The following PIAS2 variants were observed in gnomAD, a reference collection of about 807,000 sequenced individuals.
PIAS2 encodes E3 SUMO-protein ligase PIAS2.
Under a neutral mutation model 69.7 loss-of-function variants are expected in PIAS2, and 19 were observed. The observed-to-expected ratio is 0.27, with a 90% confidence interval of 0.19 to 0.40. The LOEUF (loss-of-function observed/expected upper bound fraction) is 0.40, where lower values mean the gene tolerates loss of function less well. PIAS2 is among the 10% of genes least tolerant of loss of function. The pLI is 1.00. For synonymous variants in PIAS2, 261 were observed against 263.2 expected (o/e 0.99, Z 0.08); for missense variants, 624 against 757.0 (o/e 0.82, Z 2.06).
At chr18:46,888,306 A>G (rs927987561) in intron 2 of PIAS2, among the ~76,000 whole-genome samples, 1 of 152,060 alleles carries the variant, frequency 6.6e-6, no homozygotes, top group Non-Finnish European at 1.5e-5. Flanking sequence ...TATTGCTAAG[A>G]TATCAATACT....
At chr18:46,844,866 T>A in intron 6 of PIAS2, 27 bp from the exon 7 acceptor site, 1 of 926,524 alleles carries the variant, frequency 1.1e-6, no homozygotes, top group Non-Finnish European at 1.6e-6. Context: ...AAAACCTGCA[T>A]TAAAGATGAG....
chr18:46,820,965 G>C lies in PIAS2; in HGVS notation c.1616C>G (p.Thr539Arg). The C allele has an allele frequency of 1.2e-6, 2 of 1,612,768 alleles. No individual in the cohort carries two copies. The highest frequency in any genetic ancestry group is 1.7e-6 in the Non-Finnish European group (2 of 1,179,178). ...LTDYSVPFHH[T>R]PISSMSSDLP... ...ATCTGATGACATGCTTGATATTGGC[G>C]TATGGTGGAATGGTACTGAGTAGTC... The change falls in exon 12 of 14, where the codon ACG (threonine) becomes AGG (arginine). Residue 539 changes from threonine (T) to arginine (R), a missense_variant. Transcript: ENST00000585916.
intron 1 of PIAS2, among the ~76,000 whole-genome samples, chr18:46,909,254 C>T (rs992379838): frequency 6.6e-6 from 1 of 151,998 alleles, no homozygotes; most frequent in African/African-American, 2.4e-5. Flanking sequence ...ATTTTATACT[C>T]GTGGGTAAAA....
intron 12 of PIAS2, chr18:46,817,395 C>T (rs979699934): frequency 2.1e-6 from 2 of 964,250 alleles, no homozygotes; most frequent in African/African-American, 3.5e-5. Context: ...TATATCAAGC[C>T]TATTTATTTT....
At chr18:46,885,335 A>G (rs1371997387) in intron 2 of PIAS2, among the ~76,000 whole-genome samples, 1 of 151,982 alleles carries the variant, frequency 6.6e-6, no homozygotes, top group Admixed American at 6.6e-5. Flanking sequence ...TGGCCAACAT[A>G]GTGAAACCCC....
chr18:46,880,110 T>C (rs1308036071), intron 2 of PIAS2, among the ~76,000 whole-genome samples: 9 of 143,806 alleles, frequency 6.3e-5, no homozygotes, highest in East Asian at 2.0e-4. Flanking sequence ...AAAAAAAAAA[T>C]TGGGGATGGG....
At chr18:46,866,499 A>ATTACATGCATT (rs2049486927) in intron 2 of PIAS2, among the ~76,000 whole-genome samples, 1 of 152,372 alleles carries the variant, frequency 6.6e-6, no homozygotes, top group East Asian at 1.9e-4. Context: ...GCAGACATGC[A>ATTACATGCATT]TTACAAGAAA....
intron 12 of PIAS2, among the ~76,000 whole-genome samples, chr18:46,818,765 T>G (rs2041847784): frequency 6.6e-6 from 1 of 152,118 alleles, no homozygotes; most frequent in Non-Finnish European, 1.5e-5. Context: ...TAGATCCTAT[T>G]CTATTCAGTT....
rs1355703267 is a variant in PIAS2, at chr18:46,806,294, C to CAA, written c.*6138_*6139insTT. On this transcript the variant is annotated 3_prime_UTR_variant, in exon 14 of 14. Transcript: ENST00000585916. ...AAATGGGGAATAACACCACTTTCCT[C>CAA]TGAGAAGCCATTGCAAGAATGAGAC... is the stretch of plus-strand genomic sequence containing the variant. The CAA allele has an allele frequency of 1.1e-4, 16 of 147,688 alleles. No individual in the cohort carries two copies. Among genetic ancestry groups the CAA allele is most frequent in the African/African-American group, 4.0e-4 (16 of 40,092 alleles). The allele number at this position is 147,688 out of a possible 1,614,324, so 9.1% of individuals were successfully genotyped here.
chr18:46,881,694 T>C (rs1228864665), intron 2 of PIAS2, among the ~76,000 whole-genome samples: 1 of 152,200 alleles, frequency 6.6e-6, no homozygotes, highest in African/African-American at 2.4e-5. Context: ...CAGTGCTTCA[T>C]CATGCAAACA....
At chr18:46,898,752 G>A (rs944883578) in intron 1 of PIAS2, among the ~76,000 whole-genome samples, 1 of 152,112 alleles carries the variant, frequency 6.6e-6, no homozygotes, top group Admixed American at 6.6e-5. Context: ...TCAACACTTT[G>A]GGGGGCTGAG....
intron 2 of PIAS2, among the ~76,000 whole-genome samples, chr18:46,883,190 G>A (rs1364694493): frequency 6.6e-6 from 1 of 151,770 alleles, no homozygotes; most frequent in Non-Finnish European, 1.5e-5. Context: ...CTCTAGCTGA[G>A]CAATGAATGA....
chr18:46,917,548 G>C (rs2058129025), upstream of PIAS2: 2 of 1,128,484 alleles, frequency 1.8e-6, no homozygotes, highest in Non-Finnish European at 2.2e-6. Flanking sequence ...CCGAAGCCCC[G>C]CCCCTAGCGG....
At chr18:46,912,528 T>C (rs2146314486) in intron 1 of PIAS2, among the ~76,000 whole-genome samples, 1 of 152,244 alleles carries the variant, frequency 6.6e-6, no homozygotes, top group South Asian at 2.1e-4. Context: ...CCAAATATAC[T>C]GTCTAAAAGT....
intron 2 of PIAS2, among the ~76,000 whole-genome samples, chr18:46,889,795 C>T (rs139847349): frequency 8.0e-4 from 122 of 152,228 alleles, no homozygotes; most frequent in Admixed American, 2.3e-3. Flanking sequence ...CAGAATTATT[C>T]GCAATAGCTA....
rs1329970076 is a variant in PIAS2 at position 46,809,979 on chromosome 18, G to A, written c.*2454C>T. ...ACAGTGACCACATTAAAGGCTGACG[G>A]ATTAATAATCATGATGTTGCCATAA... On this transcript the variant is annotated 3_prime_UTR_variant, in exon 14 of 14. Coordinates refer to ENST00000585916, the MANE Select transcript of PIAS2 (RefSeq NM_004671.5). 2.6e-5 allele frequency: 4 copies of A among 152,118 alleles called. No individual in the cohort carries two copies. Among genetic ancestry groups the A allele is most frequent in the Non-Finnish European group, 5.9e-5 (4 of 68,020 alleles). 9.4% of individuals were successfully genotyped at this position (152,118 alleles called of 1,614,324 possible). A position where few individuals can be genotyped will look rare whatever the true frequency, so the allele number is the denominator to read the frequency against.
rs536962361 is a variant in PIAS2 at position 46,866,874 on chromosome 18, C to T, written c.500-2626G>A. Among the ~76,000 whole-genome samples, 83 of 152,266 alleles carry T rather than the reference C, an allele frequency of 5.5e-4. 1 individual carries two copies. Among genetic ancestry groups the T allele is most frequent in the Admixed American group, 5.4e-3 (82 of 15,296 alleles). The stretch of plus-strand genomic sequence containing the variant: ...GTGCCACAAGCAGCAGGTATCTACA[C>T]CTGTAAAGTTGGGCACAAGACCCTC... On this transcript the variant is annotated intron_variant, in intron 2 of 13. Coordinates refer to ENST00000585916, the MANE Select transcript of PIAS2 (RefSeq NM_004671.5).
At chr18:46,858,393 G>A (rs1419442473) in intron 3 of PIAS2, among the ~76,000 whole-genome samples, 1 of 152,142 alleles carries the variant, frequency 6.6e-6, no homozygotes, top group Non-Finnish European at 1.5e-5. Flanking sequence ...ATAATTAGGA[G>A]ACCATTACAA....
chr18:46,844,586 C>CCA, intron 7 of PIAS2, 148 bp downstream of exon 7: 2 of 388,060 alleles, frequency 5.2e-6, no homozygotes, highest in East Asian at 7.4e-5. Context: ...ATTTTACTCA[C>CCA]CAGTAATGTA....
Sources: allele counts gnomAD v4.1 joint callset (sites outside exome capture counted in the v4.1 genomes callset), GRCh38; gene constraint gnomAD v4.1.1; transcripts MANE v1.5; gene names NCBI Gene and HGNC (gene_info 2026-07-23, HGNC 2026-07-21).